Variants in RRP1 observed in about 807,000 individuals in gnomAD.
RRP1 encodes the protein ribosomal RNA processing protein 1 homolog A.
Under a neutral mutation model 54.6 loss-of-function variants are expected in RRP1, and 37 were observed. The observed-to-expected ratio is 0.68, with a 90% CI of 0.52 to 0.89. RRP1 has a LOEUF of 0.89. RRP1 is among the 40% of genes least tolerant of loss of function. The probability of loss-of-function intolerance (pLI) is 0.00; values close to 1 mark genes in which losing one functional copy is unlikely to be tolerated. For missense variants in RRP1, 639 were observed against 612.5 expected (o/e 1.04, Z -0.46); for synonymous variants, 262 against 244.3 (o/e 1.07, Z -0.67).
intron 7 of RRP1, 34 bp from the exon 8 acceptor site, chr21:43,797,873 G>A (rs773637526): frequency 7.5e-6 from 12 of 1,597,242 alleles, no homozygotes; most frequent in South Asian, 3.4e-5. Flanking sequence ...CCAGCATAAC[G>A]GGCCTGCTCA....
At position 43,802,333 on chromosome 21, in the gene RRP1, C is replaced by T. The variant is rs200137494; in HGVS notation, c.1069C>T (p.Arg357Trp). Residue 357 changes from arginine to tryptophan, a missense_variant, in exon 12 of 13, where the codon CGG becomes TGG. Coordinates refer to ENST00000497547, the MANE Select transcript of RRP1 (RefSeq NM_003683.6). ...CTGCAGGCGCCTGCTTGAAGGGAGGCGGCAGAAGAAGACGAAGAAGCAGAA... is the reference window on the plus strand; with the variant it reads ...CTGCAGGCGCCTGCTTGAAGGGAGGTGGCAGAAGAAGACGAAGAAGCAGAA... ...KACRRLLEGR[R>W]QKKTKKQKRL... is the part of the protein sequence containing the mutation. 3.7e-5 allele frequency: 60 copies of T among 1,613,892 alleles called. No individual in the cohort carries two copies. The highest frequency in any genetic ancestry group is 8.8e-5 in the South Asian group (8 of 91,068).
Position 43,802,336 on chromosome 21 carries a change from CAGA to C in RRP1, c.1079_1081del (p.Lys360del), listed in dbSNP as rs757278294. 4 of 1,613,952 alleles carry C rather than the reference CAGA, an allele frequency of 2.5e-6. No homozygotes were observed. The highest frequency in any genetic ancestry group is 3.4e-6 in the Non-Finnish European group (4 of 1,179,994). On this transcript the variant is annotated inframe_deletion, in exon 12 of 13. Coordinates refer to ENST00000497547, the MANE Select transcript of RRP1 (RefSeq NM_003683.6). Reference sequence around the variant, plus strand: ...CAGGCGCCTGCTTGAAGGGAGGCGGCAGAAGAAGACGAAGAAGCAGAAGCGTCT... The same window carrying C: ...CAGGCGCCTGCTTGAAGGGAGGCGGCAGAAGACGAAGAAGCAGAAGCGTCT...
intron 4 of RRP1, among the ~76,000 whole-genome samples, chr21:43,793,667 A>C (rs2084983689): frequency 6.6e-6 from 1 of 152,208 alleles, no homozygotes; most frequent in African/African-American, 2.4e-5. Flanking sequence ...GAAAGTGACG[A>C]TTGCTCTCCT....
At chr21:43,803,205 C>T (rs994825052) in intron 12 of RRP1, among the ~76,000 whole-genome samples, 2 of 152,250 alleles carry the variant, frequency 1.3e-5, no homozygotes, top group Non-Finnish European at 2.9e-5. Context: ...CTGGCACTGC[C>T]TGGCGTCCTG....
intron 12 of RRP1, among the ~76,000 whole-genome samples, chr21:43,803,151 C>T (rs904767692): frequency 2.0e-5 from 3 of 152,234 alleles, no homozygotes; most frequent in Non-Finnish European, 2.9e-5. Flanking sequence ...TCTTTGTAGC[C>T]GGCCCTTGGC....
rs1431105241 is a variant in RRP1, at chr21:43,803,729, G to A, written c.1341G>A (p.Ala447=). The A allele has an allele frequency of 5.1e-6, 8 of 1,570,978 alleles. No individual in the cohort carries two copies. The highest frequency in any genetic ancestry group is 6.0e-6 in the Non-Finnish European group (7 of 1,157,556). The part of the protein sequence containing the change: ...PRPLTSARAK[A]ANVQEPEKKK... ...CCCTGACCAGTGCCCGAGCAAAGGCGGCCAATGTCCAGGAGCCGGAGAAGA... is the reference window on the plus strand; with the variant it reads ...CCCTGACCAGTGCCCGAGCAAAGGCAGCCAATGTCCAGGAGCCGGAGAAGA... Residue 447 remains alanine (A), a synonymous_variant, in exon 13 of 13, where the codon GCG becomes GCA. Transcript: ENST00000497547.
At chr21:43,798,188 C>T (rs2085044241) in intron 8 of RRP1, 88 bp downstream of exon 8, 2 of 1,145,256 alleles carry the variant, frequency 1.7e-6, no homozygotes, top group Admixed American at 2.6e-5. Flanking sequence ...CCTGCCACCT[C>T]CTACCTGGTC....
intron 8 of RRP1, 93 bp downstream of exon 8, chr21:43,798,193 C>G (rs1194426241): frequency 1.8e-6 from 2 of 1,104,354 alleles, no homozygotes. Flanking sequence ...CACCTCCTAC[C>G]TGGTCCCCTT....
At chr21:43,797,137 A>G (rs187346393) in intron 5 of RRP1, among the ~76,000 whole-genome samples, 27 of 152,334 alleles carry the variant, frequency 1.8e-4, no homozygotes, top group Middle Eastern at 3.4e-3. Context: ...GCCTGTCTGA[A>G]TGTTTACACG....
intron 3 of RRP1, 105 bp downstream of exon 3, chr21:43,792,834 A>G (rs2084974278): frequency 2.4e-6 from 3 of 1,246,776 alleles, no homozygotes; most frequent in Non-Finnish European, 3.5e-6. Flanking sequence ...CAGAGTAAGG[A>G]ATGCCTAAGG....
In RRP1 at chr21:43,792,736, A is replaced by G. The variant is rs764866285; in HGVS notation, c.274+7A>G. The G allele has an allele frequency of 5.0e-6, 8 of 1,613,874 alleles. No individual in the cohort carries two copies. In the East Asian group the frequency reaches 1.3e-4, roughly 27 times the overall value. ...TTTCAGACCACGGAGGCGCGTGAGT[A>G]TGCTCTGCTGTAGTTGGGTGCATTT... On this transcript the variant is annotated splice_region_variant and intron_variant, in intron 3 of 12. Coordinates refer to ENST00000497547, the MANE Select transcript of RRP1 (RefSeq NM_003683.6).
chr21:43,793,387 C>G lies in RRP1; in HGVS notation c.343C>G (p.Leu115Val). 6.2e-7 allele frequency: 1 copy of G among 1,613,708 alleles called. No homozygotes were observed. The highest frequency in any genetic ancestry group is 8.5e-7 in the Non-Finnish European group (1 of 1,180,002). The change falls in exon 4 of 13, where the codon CTG (leucine) becomes GTG (valine). Residue 115 changes from leucine to valine, a missense_variant. Coordinates refer to ENST00000497547, the MANE Select transcript of RRP1 (RefSeq NM_003683.6). ...GTGGACGGGCATTGACAGGCTGCGC[C>G]TGGATAAATTCTACATGGTGAGGCA... ...REWTGIDRLR[L>V]DKFYMLMRMV...
Position 43,797,878 on chromosome 21 carries a change from T to C in RRP1, c.618-29T>C, listed in dbSNP as rs752186175. 5.6e-6 allele frequency: 9 copies of C among 1,601,088 alleles called. No homozygotes were observed. In the East Asian group the frequency reaches 2.0e-4, roughly 36 times the overall value. ...GCTTGGGAATCCAGCATAACGGGCC[T>C]GCTCACCGGCCTCTGCTCTGCCCCT... On this transcript the variant is annotated intron_variant, in intron 7 of 12. Coordinates refer to ENST00000497547, the MANE Select transcript of RRP1 (RefSeq NM_003683.6).
At chr21:43,792,270 A>G (rs977186179) in intron 2 of RRP1, among the ~76,000 whole-genome samples, 5 of 152,224 alleles carry the variant, frequency 3.3e-5, no homozygotes, top group Admixed American at 3.3e-4. Flanking sequence ...GCAGATAGCC[A>G]GTGATCTATG....
chr21:43,793,209 AT>A (rs1601866997), intron 3 of RRP1, 109 bp from the exon 4 acceptor site: 1 of 938,272 alleles, frequency 1.1e-6, no homozygotes, highest in Non-Finnish European at 1.7e-6. Flanking sequence ...GGGCATCAGC[AT>A]TTTTTATCTA....
chr21:43,793,817 T>G (rs1014229173), intron 4 of RRP1, among the ~76,000 whole-genome samples: 2 of 152,152 alleles, frequency 1.3e-5, no homozygotes, highest in African/African-American at 4.8e-5. Context: ...ATGGTCACAG[T>G]GTGGGACTTC....
At chr21:43,793,510 G>C (rs903975984) in intron 4 of RRP1, 106 bp downstream of exon 4, 5 of 892,664 alleles carry the variant, frequency 5.6e-6, no homozygotes, top group Admixed American at 2.0e-5. Context: ...GAGGCAGTGC[G>C]ACCCTGAAGC....
In RRP1 at chr21:43,791,426, C is replaced by T. The variant is rs2084957044; in HGVS notation, c.210C>T (p.Leu70=). 1 of 1,613,910 alleles carries T rather than the reference C, an allele frequency of 6.2e-7. No individual in the cohort carries two copies. The highest frequency in any genetic ancestry group is 2.2e-5 in the East Asian group (1 of 44,884). The change falls in exon 2 of 13, where the codon CTC becomes CTT. Residue 70 remains leucine, a synonymous_variant. Transcript: ENST00000497547. ...FYCMWMQDKP[L]LQEELGRTIS... ...GCATGTGGATGCAGGACAAGCCACT[C>T]CTCCAGGTGAGTGGGGGGAGCAGCA... is the stretch of plus-strand genomic sequence containing the variant.
At chr21:43,797,723 C>G in intron 7 of RRP1, 28 bp downstream of exon 7, 4 of 1,610,532 alleles carry the variant, frequency 2.5e-6, no homozygotes, top group Non-Finnish European at 2.5e-6. Flanking sequence ...TGATCGGGCC[C>G]GACTCCTTCA....
Sources: allele counts gnomAD v4.1 joint callset (sites outside exome capture counted in the v4.1 genomes callset), GRCh38; gene constraint gnomAD v4.1.1; transcripts MANE v1.5; gene names NCBI Gene and HGNC (gene_info 2026-07-23, HGNC 2026-07-21).